The following GRID2 variants were observed in gnomAD, a reference collection of about 807,000 sequenced individuals.
The protein encoded by GRID2 is glutamate receptor ionotropic, delta-2.
GRID2 carries 33 observed loss-of-function variants against 114.8 expected under a neutral mutation model. That is an observed-to-expected ratio of 0.29 (90% confidence interval 0.22 to 0.38). The LOEUF is 0.38. Ranked by LOEUF, GRID2 falls within the 10% of genes least tolerant of loss-of-function variation. GRID2 has a pLI of 1.00. For synonymous variants in GRID2, 505 were observed against 449.9 expected (o/e 1.12, Z -1.55); for missense variants, 1,184 against 1,257.7 (o/e 0.94, Z 0.89).
At chr4:92,421,875 AT>A (rs1315440300) in intron 1 of GRID2, among the ~76,000 whole-genome samples, 2 of 152,134 alleles carry the variant, frequency 1.3e-5, no homozygotes, top group Non-Finnish European at 2.9e-5. Flanking sequence ...TCTGCAAGGG[AT>A]GCTTGGGATT....
At chr4:93,519,028 C>T (rs944415250) in intron 13 of GRID2, among the ~76,000 whole-genome samples, 2 of 152,116 alleles carry the variant, frequency 1.3e-5, no homozygotes, top group African/African-American at 4.8e-5. Context: ...CACGTGAGAG[C>T]TTCCTAAAAA....
intron 2 of GRID2, among the ~76,000 whole-genome samples, chr4:92,935,080 C>G (rs951430110): frequency 6.8e-6 from 1 of 146,778 alleles, no homozygotes; most frequent in African/African-American, 2.4e-5. Flanking sequence ...GCAGAAGAAA[C>G]TAGCATCAGA....
At chr4:93,184,347 A>G (rs1740188179) in intron 4 of GRID2, among the ~76,000 whole-genome samples, 1 of 151,972 alleles carries the variant, frequency 6.6e-6, no homozygotes, top group Admixed American at 6.6e-5. Flanking sequence ...TAAGTGGTGT[A>G]TTTACTGCCT....
chr4:93,607,228 G>GT lies in GRID2; in HGVS notation c.2194-19040dup, dbSNP rs775381411. ...TTTTTCTCTAAGCATTTTTAATAAC[G>GT]TACTAACATGTTTACACATATACTC... is the stretch of plus-strand genomic sequence containing the variant. On this transcript the variant is annotated intron_variant, in intron 13 of 15. Coordinates refer to ENST00000282020, the MANE Select transcript of GRID2 (RefSeq NM_001510.4). Among the ~76,000 whole-genome samples the GT allele has an allele frequency of 5.9e-5, 9 of 151,898 alleles. No homozygotes were observed. The South Asian group carries it at 1.9e-3, about 32-fold the overall frequency.
intron 14 of GRID2, among the ~76,000 whole-genome samples, chr4:93,655,192 A>G (rs1722899579): frequency 6.6e-6 from 1 of 152,330 alleles, no homozygotes; most frequent in East Asian, 1.9e-4. Flanking sequence ...AAAGCATAAG[A>G]TAAGAAAATT....
intron 1 of GRID2, among the ~76,000 whole-genome samples, chr4:92,388,865 A>AGT (rs1185822140): frequency 6.6e-6 from 1 of 152,072 alleles, no homozygotes; most frequent in East Asian, 1.9e-4. Context: ...GTAAGTATAC[A>AGT]ATTGGGAAAT....
chr4:93,515,304 C>G lies in GRID2; in HGVS notation c.2086C>G (p.Leu696Val). The G allele has an allele frequency of 6.2e-7, 1 of 1,607,610 alleles. No homozygotes were observed. The highest frequency in any genetic ancestry group is 2.2e-5 in the East Asian group (1 of 44,766). The change falls in exon 13 of 16, where the codon CTG becomes GTG. Residue 696 changes from leucine (L) to valine (V), a missense_variant. Around this residue, in one of 3 missense-constraint regions of GRID2, gnomAD observed 717 missense variants for 796.9 expected, o/e 0.90. Coordinates refer to ENST00000282020, the MANE Select transcript of GRID2 (RefSeq NM_001510.4). ...AVYEHVRMKGLNPFERDSMYS... is the reference protein window; with the variant it reads ...AVYEHVRMKGVNPFERDSMYS... ...ATATGAGCATGTCCGCATGAAAGGA[C>G]TGAATCCTTTTGAGAGGGACAGCAT...
chr4:93,084,356 C>T (rs1474885819), intron 2 of GRID2, among the ~76,000 whole-genome samples: 1 of 152,078 alleles, frequency 6.6e-6, no homozygotes, highest in Non-Finnish European at 1.5e-5. Flanking sequence ...ACACTGGCTA[C>T]AATGTAGTAT....
intron 3 of GRID2, among the ~76,000 whole-genome samples, chr4:93,093,328 A>C (rs972641987): frequency 2.6e-5 from 4 of 151,984 alleles, no homozygotes; most frequent in Admixed American, 2.0e-4. Flanking sequence ...CCAAGTCCAT[A>C]ATCCCAAAGT....
At chr4:92,535,181 C>T (rs1334301192) in intron 1 of GRID2, among the ~76,000 whole-genome samples, 1 of 152,066 alleles carries the variant, frequency 6.6e-6, no homozygotes, top group Non-Finnish European at 1.5e-5. Context: ...TATTCTGGTA[C>T]ACTCAGATGT....
intron 2 of GRID2, among the ~76,000 whole-genome samples, chr4:93,034,352 G>C (rs898235695): frequency 6.6e-6 from 1 of 152,104 alleles, no homozygotes; most frequent in South Asian, 2.1e-4. Context: ...AACCTTGTAC[G>C]TCAGCACCTT....
intron 8 of GRID2, among the ~76,000 whole-genome samples, chr4:93,331,306 G>A (rs1305395581): frequency 1.3e-5 from 2 of 150,080 alleles, no homozygotes; most frequent in South Asian, 2.1e-4. Context: ...CTCTCTGCTT[G>A]GGAAATTCTT....
Position 92,649,183 on chromosome 4 carries a change from C to T in GRID2, c.244+58897C>T, listed in dbSNP as rs1189594913. ...ATAGTTATATATGAGGAAGAGGTAA[C>T]GGGAGAGAGGGAAAGATTATGAAAA... On this transcript the variant is annotated intron_variant, in intron 2 of 15. Transcript: ENST00000282020. Among the ~76,000 whole-genome samples the T allele has an allele frequency of 1.2e-4, 12 of 102,348 alleles. No individual in the cohort carries two copies. In the South Asian group the frequency reaches 2.2e-3, roughly 19 times the overall value. The allele number at this position is 102,348 out of a possible 152,430, so 67.1% of individuals were successfully genotyped here. A position where few individuals can be genotyped will look rare whatever the true frequency, so the allele number is the denominator to read the frequency against.
rs780710800 is a variant in GRID2, at chr4:93,607,496, T to G, written c.2194-18773T>G. ...AATTTGATGTCACAATAAACAATGA[T>G]GCACTGAGTATTCTTGTATTTTAAT... On this transcript the variant is annotated intron_variant, in intron 13 of 15. Coordinates refer to ENST00000282020, the MANE Select transcript of GRID2 (RefSeq NM_001510.4). Among the ~76,000 whole-genome samples, 28 of 152,158 alleles carry G rather than the reference T, an allele frequency of 1.8e-4. 1 individual carries two copies. Among genetic ancestry groups the G allele is most frequent in the Non-Finnish European group, 3.8e-4 (26 of 67,992 alleles).
chr4:92,457,380 T>C (rs1367900518), intron 1 of GRID2, among the ~76,000 whole-genome samples: 1 of 152,160 alleles, frequency 6.6e-6, no homozygotes, highest in Non-Finnish European at 1.5e-5. Context: ...GCAAAGTTTA[T>C]CTCTGAGTCA....
At chr4:92,439,134 C>G (rs1416660010) in intron 1 of GRID2, among the ~76,000 whole-genome samples, 4 of 151,340 alleles carry the variant, frequency 2.6e-5, no homozygotes, top group African/African-American at 7.3e-5. Flanking sequence ...GGGGCTTGTT[C>G]TCTGGCGGGC....
intron 14 of GRID2, among the ~76,000 whole-genome samples, chr4:93,670,755 G>T (rs114367841): frequency 6.6e-6 from 1 of 152,090 alleles, no homozygotes; most frequent in Non-Finnish European, 1.5e-5. Flanking sequence ...TAGTGACATG[G>T]TTGTTTTCCA....
intron 2 of GRID2, among the ~76,000 whole-genome samples, chr4:92,759,799 T>G (rs74595635): frequency 6.6e-6 from 1 of 151,226 alleles, no homozygotes. Flanking sequence ...TTTTTTTTTT[T>G]TGTATTTAGT....
intron 2 of GRID2, among the ~76,000 whole-genome samples, chr4:92,716,244 C>T (rs1458016190): frequency 1.3e-5 from 2 of 152,178 alleles, no homozygotes; most frequent in Admixed American, 6.5e-5. Flanking sequence ...CCTTCCATTG[C>T]TTTCTTCTAT....
Sources: allele counts gnomAD v4.1 joint callset (sites outside exome capture counted in the v4.1 genomes callset), GRCh38; gene constraint gnomAD v4.1.1; regional missense constraint gnomAD v4.1.1; transcripts MANE v1.5; gene names NCBI Gene and HGNC (gene_info 2026-07-23, HGNC 2026-07-21).